Variants in ABI2 observed in about 807,000 individuals in gnomAD.
The protein encoded by ABI2 is abl interactor 2.
ABI2 carries 25 observed loss-of-function variants against 59.2 expected under a neutral mutation model. The ratio of observed to expected loss-of-function variants is 0.42; its 90% CI spans 0.31 to 0.59. ABI2 has a LOEUF of 0.59. Among genes scored for constraint, ABI2 ranks in the 20% least tolerant of loss-of-function variants. The probability of loss-of-function intolerance (pLI) is 0.14; values close to 1 mark genes in which losing one functional copy is unlikely to be tolerated. For missense variants in ABI2, 545 were observed against 681.8 expected, an observed-to-expected ratio of 0.80 and a Z score of 2.23; for synonymous variants, 213 against 235.5, an observed-to-expected ratio of 0.90 and a Z score of 0.87.
intron 1 of ABI2, among the ~76,000 whole-genome samples, chr2:203,341,127 G>C (rs1225369909): frequency 6.6e-6 from 1 of 151,996 alleles, no homozygotes; most frequent in African/African-American, 2.4e-5. Context: ...CCCCTTCCTG[G>C]CTACTCTGTG....
In ABI2 at chr2:203,342,989, T is replaced by C. The variant is rs1159897469; in HGVS notation, c.117+14358T>C. On this transcript the variant is annotated intron_variant, in intron 1 of 11. Coordinates refer to ENST00000261018, the MANE Select transcript of ABI2 (RefSeq NM_001375670.1). ...ATGAATTTTATTCATGTGTAAATAATACAGTCTATACCGTTAACAAAAGAC... is the reference window on the plus strand; with the variant it reads ...ATGAATTTTATTCATGTGTAAATAACACAGTCTATACCGTTAACAAAAGAC... 2.6e-5 allele frequency among the ~76,000 whole-genome samples: 4 copies of C among 152,216 alleles called. No individual in the cohort carries two copies. The East Asian group carries it at 5.8e-4, about 22-fold the overall frequency.
intron 4 of ABI2, 120 bp downstream of exon 4, chr2:203,382,326 T>A (rs774361633): frequency 4.5e-6 from 4 of 897,330 alleles, no homozygotes; most frequent in Non-Finnish European, 6.5e-6. Flanking sequence ...TCCTCCTTTT[T>A]GTTTTATTTT....
At chr2:203,398,233 G>A (rs1035754853) in intron 8 of ABI2, among the ~76,000 whole-genome samples, 17 of 152,136 alleles carry the variant, frequency 1.1e-4, no homozygotes, top group African/African-American at 3.9e-4. Flanking sequence ...TAAACATGGG[G>A]TGTTTTTTGA....
intron 1 of ABI2, among the ~76,000 whole-genome samples, chr2:203,348,172 C>T (rs1160329770): frequency 3.9e-5 from 6 of 152,032 alleles, no homozygotes; most frequent in South Asian, 2.1e-4. Context: ...ACCCGGGTGG[C>T]GAAGGTTGCA....
chr2:203,354,790 T>C (rs1157476881), intron 1 of ABI2, among the ~76,000 whole-genome samples: 2 of 152,226 alleles, frequency 1.3e-5, no homozygotes, highest in Admixed American at 6.5e-5. Context: ...ATCTTTTATA[T>C]TGGTCTGTAA....
At chr2:203,352,631 T>C (rs1370313308) in intron 1 of ABI2, among the ~76,000 whole-genome samples, 2 of 152,182 alleles carry the variant, frequency 1.3e-5, no homozygotes, top group African/African-American at 2.4e-5. Context: ...AACTGCATAA[T>C]GTATTTTTAT....
chr2:203,350,905 C>A lies in ABI2; in HGVS notation c.118-15972C>A, dbSNP rs192635210. 1.0e-4 allele frequency among the ~76,000 whole-genome samples: 15 copies of A among 148,514 alleles called. No homozygotes were observed. In the East Asian group the frequency reaches 1.8e-3, roughly 17 times the overall value. On this transcript the variant is annotated intron_variant, in intron 1 of 11. Transcript: ENST00000261018. ...GTGTGTGTGTGTGCGCGCGCGCATACTTTTAGGTGTTATATATAAGAAACT... is the reference window on the plus strand; with the variant it reads ...GTGTGTGTGTGTGCGCGCGCGCATAATTTTAGGTGTTATATATAAGAAACT...
chr2:203,417,951 T>G (rs898719257), intron 11 of ABI2, among the ~76,000 whole-genome samples: 2 of 152,110 alleles, frequency 1.3e-5, no homozygotes, highest in Admixed American at 6.5e-5. Context: ...AGACGTGGAA[T>G]ATATCTTTAA....
chr2:203,385,045 G>C (rs1237380723), intron 4 of ABI2, among the ~76,000 whole-genome samples: 1 of 151,694 alleles, frequency 6.6e-6, no homozygotes, highest in African/African-American at 2.4e-5. Context: ...ATGTTGGCCA[G>C]GTTGGTCTCA....
chr2:203,417,545 G>T (rs2097952453), intron 11 of ABI2, among the ~76,000 whole-genome samples: 1 of 152,130 alleles, frequency 6.6e-6, no homozygotes, highest in Non-Finnish European at 1.5e-5. Flanking sequence ...AAGCTTCTTT[G>T]ATATTAGCTA....
At chr2:203,347,519 T>C (rs2084432229) in intron 1 of ABI2, among the ~76,000 whole-genome samples, 3 of 152,186 alleles carry the variant, frequency 2.0e-5, no homozygotes, top group Admixed American at 2.0e-4. Flanking sequence ...AAATGTGCAG[T>C]GGAAACTCAT....
chr2:203,409,973 G>A (rs1346633882), intron 9 of ABI2, among the ~76,000 whole-genome samples: 1 of 152,186 alleles, frequency 6.6e-6, no homozygotes, highest in South Asian at 2.1e-4. Flanking sequence ...ATATTTCTGG[G>A]TTTTTTACTT....
intron 1 of ABI2, among the ~76,000 whole-genome samples, chr2:203,338,983 A>AAATATATATATATATATAAATATATAT: frequency 8.1e-5 from 1 of 12,338 alleles, no homozygotes; most frequent in South Asian, 2.7e-3. Context: ...TATATATATA[A>AAATATATATATATATATAAATATATAT]ATATATATAT....
At position 203,331,699 on chromosome 2, in the gene ABI2, T is replaced by C. The variant is rs541521755; in HGVS notation, c.117+3068T>C. ...ATAGCATCATGTCTTAGCCACTAGC[T>C]CGAGTTAACTAACCCAACACTCATT... On this transcript the variant is annotated intron_variant, in intron 1 of 11. Coordinates refer to ENST00000261018, the MANE Select transcript of ABI2 (RefSeq NM_001375670.1). 5.3e-5 allele frequency among the ~76,000 whole-genome samples: 8 copies of C among 151,980 alleles called. No individual in the cohort carries two copies. The South Asian group carries it at 1.2e-3, about 24-fold the overall frequency.
At chr2:203,355,689 G>T (rs2091554893) in intron 1 of ABI2, among the ~76,000 whole-genome samples, 1 of 151,826 alleles carries the variant, frequency 6.6e-6, no homozygotes, top group Admixed American at 6.6e-5. Flanking sequence ...GAATTAGGCA[G>T]GCATGGTGGC....
Position 203,421,819 on chromosome 2 carries a change from C to T in ABI2, c.1453+4738C>T, listed in dbSNP as rs185456208. The stretch of plus-strand genomic sequence containing the variant: ...CCTCTACTACAAGTTCAAAAATTAG[C>T]TGGGTGTGGTGGTGCACGCCTGTAG... On this transcript the variant is annotated intron_variant, in intron 11 of 11. Coordinates refer to ENST00000261018, the MANE Select transcript of ABI2 (RefSeq NM_001375670.1). Among the ~76,000 whole-genome samples, 5 of 152,224 alleles carry T rather than the reference C, an allele frequency of 3.3e-5. No homozygotes were observed. In the East Asian group the frequency reaches 9.7e-4, roughly 29 times the overall value.
intron 9 of ABI2, among the ~76,000 whole-genome samples, chr2:203,407,986 C>A (rs2097502290): frequency 1.3e-5 from 2 of 152,184 alleles, no homozygotes; most frequent in African/African-American, 4.8e-5. Flanking sequence ...GAATTAATTT[C>A]GACCACCTTA....
At chr2:203,355,649 G>T (rs1333333944) in intron 1 of ABI2, among the ~76,000 whole-genome samples, 1 of 151,718 alleles carries the variant, frequency 6.6e-6, no homozygotes, top group African/African-American at 2.4e-5. Flanking sequence ...GATCAACATG[G>T]AGAAACCCCG....
rs1211280854 is a variant in ABI2, at chr2:203,427,752, C to CT, written c.*401dup. 1 of 159,348 alleles carries CT rather than the reference C, an allele frequency of 6.3e-6. No individual in the cohort carries two copies. Among genetic ancestry groups the CT allele is most frequent in the Non-Finnish European group, 1.4e-5 (1 of 72,160 alleles). The allele number at this position is 159,348 out of a possible 1,614,324, so 9.9% of individuals were successfully genotyped here. A position where few individuals can be genotyped will look rare whatever the true frequency, so the allele number is the denominator to read the frequency against. ...CATTGGATGTTCTTCATTGCCTGTG[C>CT]TAAGGGGTTAACCTCATGGCCCAGT... On this transcript the variant is annotated 3_prime_UTR_variant, in exon 12 of 12. Coordinates refer to ENST00000261018, the MANE Select transcript of ABI2 (RefSeq NM_001375670.1).
Sources: allele counts gnomAD v4.1 joint callset (sites outside exome capture counted in the v4.1 genomes callset), GRCh38; gene constraint gnomAD v4.1.1; transcripts MANE v1.5; gene names NCBI Gene and HGNC (gene_info 2026-07-23, HGNC 2026-07-21).